The following GABPA variants were observed in gnomAD, a reference collection of about 807,000 sequenced individuals.
The protein encoded by GABPA is GA-binding protein alpha chain.
GABPA carries 4 observed loss-of-function variants against 59.4 expected under a neutral mutation model. The ratio of observed to expected loss-of-function variants is 0.07; its 90% confidence interval spans 0.03 to 0.15. The LOEUF is 0.15. GABPA is among the 10% of genes least tolerant of loss of function. GABPA has a pLI of 1.00. For synonymous variants in GABPA, 164 were observed against 183.1 expected (o/e 0.90, Z 0.84); for missense variants, 251 against 543.8 (o/e 0.46, Z 5.36).
At chr21:25,768,974 A>T (rs768000514) in intron 9 of GABPA, 30 bp from the exon 10 acceptor site, 2 of 1,376,628 alleles carry the variant, frequency 1.5e-6, no homozygotes, top group Admixed American at 3.6e-5. Flanking sequence ...TTTTTTCTGA[A>T]GTCTCTAATT....
At chr21:25,756,810 CTT>C (rs925658590) in intron 5 of GABPA, among the ~76,000 whole-genome samples, 5 of 152,128 alleles carry the variant, frequency 3.3e-5, no homozygotes, top group Admixed American at 6.6e-5. Flanking sequence ...TCTCCAGTCA[CTT>C]TTTTATGTTT....
chr21:25,747,023 T>C (rs903120863), intron 3 of GABPA, among the ~76,000 whole-genome samples: 8 of 152,214 alleles, frequency 5.3e-5, no homozygotes, highest in African/African-American at 1.9e-4. Flanking sequence ...TCTCACGTAA[T>C]CTTCACATCA....
intron 4 of GABPA, 101 bp downstream of exon 4, chr21:25,749,221 G>C: frequency 1.5e-6 from 1 of 688,756 alleles, no homozygotes. Context: ...TACATTACTT[G>C]ATATGATATA....
At chr21:25,766,756 TG>T in intron 9 of GABPA, among the ~76,000 whole-genome samples, 1 of 151,944 alleles carries the variant, frequency 6.6e-6, no homozygotes, top group Non-Finnish European at 1.5e-5. Context: ...GAATGTAAAT[TG>T]TAACAGTTGC....
At chr21:25,759,524 GA>G (rs779911106) in intron 6 of GABPA, among the ~76,000 whole-genome samples, 5 of 152,138 alleles carry the variant, frequency 3.3e-5, no homozygotes, top group Non-Finnish European at 5.9e-5. Flanking sequence ...CTCTGCTGGT[GA>G]ATAAGAAATG....
In GABPA at chr21:25,735,199, T is replaced by C. The variant is rs1449969168; in HGVS notation, c.-406T>C. ...CTCTTTGAGTGGCCTTTCCCCTAGT[T>C]CAAGCTCCCCTCCGAGTCAGCGTCC... is the stretch of plus-strand genomic sequence containing the variant. On this transcript the variant is annotated 5_prime_UTR_variant, in exon 1 of 10. Transcript: ENST00000400075. The C allele has an allele frequency of 3.4e-6, 2 of 596,508 alleles. No individual in the cohort carries two copies. The highest frequency in any genetic ancestry group is 6.0e-6 in the Non-Finnish European group (2 of 332,242). 37.0% of individuals were successfully genotyped at this position (596,508 alleles called of 1,614,324 possible). A position where few individuals can be genotyped will look rare whatever the true frequency, so the allele number is the denominator to read the frequency against.
At chr21:25,736,624 G>T (rs560972547) in intron 1 of GABPA, among the ~76,000 whole-genome samples, 1 of 152,168 alleles carries the variant, frequency 6.6e-6, no homozygotes, top group South Asian at 2.1e-4. Flanking sequence ...TAGATGTTAG[G>T]TTGAAGCAAA....
chr21:25,763,288 C>A (rs766859958), intron 7 of GABPA: 2 of 354,922 alleles, frequency 5.6e-6, no homozygotes, highest in Non-Finnish European at 1.1e-5. Flanking sequence ...CCCCCCTTTT[C>A]AGCATGCATC....
chr21:25,758,886 G>A lies in GABPA; in HGVS notation c.748+682G>A, dbSNP rs540197676. ...GAAGTTCGAGACCAGCCTGGCCAAC[G>A]TGGTGAAACCCCATCTCCACTAAAA... is the stretch of plus-strand genomic sequence containing the variant. On this transcript the variant is annotated intron_variant, in intron 6 of 9. Coordinates refer to ENST00000400075, the MANE Select transcript of GABPA (RefSeq NM_002040.4). Among the ~76,000 whole-genome samples the A allele has an allele frequency of 9.2e-5, 14 of 152,032 alleles. 1 individual carries two copies. The highest frequency in any genetic ancestry group is 2.1e-4 in the South Asian group (1 of 4,828).
At position 25,745,465 on chromosome 21, in the gene GABPA, C is replaced by A. The variant is rs1026511522; in HGVS notation, c.222+111C>A. 4 of 963,192 alleles carry A rather than the reference C, an allele frequency of 4.2e-6. No individual in the cohort carries two copies. In the African/African-American group the frequency reaches 5.0e-5, roughly 12 times the overall value. 59.7% of individuals were successfully genotyped at this position (963,192 alleles called of 1,614,324 possible). On this transcript the variant is annotated intron_variant, in intron 3 of 9. Transcript: ENST00000400075. Reference sequence around the variant, plus strand: ...ACTTTATCTCTGTAAGAAGATTTGACCTGTATTACTGTAAAATTTAAGTGT... The same window carrying A: ...ACTTTATCTCTGTAAGAAGATTTGAACTGTATTACTGTAAAATTTAAGTGT...
At chr21:25,762,396 A>G in intron 7 of GABPA, 31 bp downstream of exon 7, 1 of 1,443,466 alleles carries the variant, frequency 6.9e-7, no homozygotes, top group Non-Finnish European at 9.4e-7. Context: ...TTGCCCTTTT[A>G]TTAATAAGAA....
At chr21:25,743,182 A>T (rs1329114839) in intron 2 of GABPA, among the ~76,000 whole-genome samples, 2 of 152,154 alleles carry the variant, frequency 1.3e-5, no homozygotes, top group African/African-American at 4.8e-5. Flanking sequence ...ATGGGATGGC[A>T]GCTGGCTTCC....
chr21:25,765,018 A>G (rs772703006), intron 9 of GABPA, among the ~76,000 whole-genome samples: 40 of 151,794 alleles, frequency 2.6e-4, no homozygotes, highest in Non-Finnish European at 4.3e-4. Flanking sequence ...TTTGAAAGCT[A>G]TAATACTCTG....
intron 3 of GABPA, among the ~76,000 whole-genome samples, chr21:25,747,635 C>T (rs986548850): frequency 3.9e-5 from 6 of 152,152 alleles, no homozygotes; most frequent in South Asian, 2.1e-4. Flanking sequence ...GAGGGAACAA[C>T]AGCTAAGTTG....
intron 3 of GABPA, 80 bp downstream of exon 3, chr21:25,745,434 C>G: frequency 3.9e-6 from 5 of 1,283,470 alleles, no homozygotes; most frequent in Non-Finnish European, 5.5e-6. Flanking sequence ...TTCTTTATAG[C>G]TATAGACTTT....
chr21:25,763,656 T>G (rs1388626092), intron 7 of GABPA, among the ~76,000 whole-genome samples: 1 of 152,182 alleles, frequency 6.6e-6, no homozygotes, highest in African/African-American at 2.4e-5. Flanking sequence ...ATTTTATAAC[T>G]TTTTTATCAT....
At chr21:25,739,219 C>G (rs2035156995) in intron 1 of GABPA, among the ~76,000 whole-genome samples, 1 of 152,152 alleles carries the variant, frequency 6.6e-6, no homozygotes, top group Non-Finnish European at 1.5e-5. Context: ...AGCTATTTGT[C>G]AGAAAACCAG....
At chr21:25,746,638 A>G (rs1211900638) in intron 3 of GABPA, among the ~76,000 whole-genome samples, 2 of 151,980 alleles carry the variant, frequency 1.3e-5, no homozygotes, top group Non-Finnish European at 2.9e-5. Context: ...GAGTGCCTCT[A>G]AAACTAGGGC....
At chr21:25,757,846 AT>A (rs963888069) in intron 5 of GABPA, among the ~76,000 whole-genome samples, 163 bp from the exon 6 acceptor site, 15 of 137,442 alleles carry the variant, frequency 1.1e-4, no homozygotes, top group Non-Finnish European at 2.0e-4. Flanking sequence ...AAATTACAGC[AT>A]AATTTTTTTT....
Sources: gnomAD v4.1 joint callset for allele counts (sites outside exome capture counted in the v4.1 genomes callset) on GRCh38, gnomAD v4.1.1 for gene constraint, MANE v1.5 for transcripts, NCBI Gene and HGNC (gene_info 2026-07-23, HGNC 2026-07-21) for gene names.